CEMIP: variants seen among roughly 807,000 people sequenced by gnomAD.
The protein encoded by CEMIP is cell migration inducing hyaluronidase 1, also known as cell migration-inducing and hyaluronan-binding protein.
In CEMIP, 105 loss-of-function variants were observed where a neutral mutation model predicts 156.9. The observed-to-expected ratio is 0.67, with a 90% CI of 0.57 to 0.79. CEMIP has a LOEUF of 0.79. Ranked by LOEUF, CEMIP falls within the 30% of genes least tolerant of loss-of-function variation. The pLI is 0.00. For missense variants in CEMIP, 1,457 were observed against 1,769.4 expected, an observed-to-expected ratio of 0.82 and a Z score of 3.17; for synonymous variants, 676 against 668.4, an observed-to-expected ratio of 1.01 and a Z score of -0.17.
intron 1 of CEMIP, among the ~76,000 whole-genome samples, chr15:80,868,173 G>C (rs886101802): frequency 2.6e-5 from 4 of 152,132 alleles, no homozygotes; most frequent in African/African-American, 9.7e-5. Flanking sequence ...ACAAAGGAAG[G>C]GGGAAACATA....
At chr15:80,925,221 C>T (rs764334716) in intron 18 of CEMIP, among the ~76,000 whole-genome samples, 4 of 152,186 alleles carry the variant, frequency 2.6e-5, no homozygotes, top group East Asian at 1.9e-4. Context: ...TAGTGCACTC[C>T]GTTTTGTAGC....
chr15:80,786,210 G>A (rs1354927242), intron 1 of CEMIP, among the ~76,000 whole-genome samples: 1 of 151,986 alleles, frequency 6.6e-6, no homozygotes, highest in Non-Finnish European at 1.5e-5. Flanking sequence ...TGTTAGCTTA[G>A]TTTTATTGTG....
intron 1 of CEMIP, among the ~76,000 whole-genome samples, chr15:80,792,879 C>T (rs1017560443): frequency 5.9e-5 from 9 of 152,094 alleles, no homozygotes; most frequent in Non-Finnish European, 1.2e-4. Flanking sequence ...ATTGTATCTC[C>T]AGAACTGAGA....
Position 80,884,193 on chromosome 15 carries a change from C to T in CEMIP, c.636C>T (p.Ser212=). The part of the protein sequence containing the change: ...IHSDRFDTYR[S]KKESERLVQY... Reference sequence around the variant, plus strand: ...TTTTTAGGTTTGACACCTATAGATCCAAGAAAGAGAGTGAACGTCTGGTCC... The same window carrying T: ...TTTTTAGGTTTGACACCTATAGATCTAAGAAAGAGAGTGAACGTCTGGTCC... Residue 212 remains serine (S), a synonymous_variant, in exon 7 of 30, where the codon TCC becomes TCT. Transcript: ENST00000394685. The T allele has an allele frequency of 2.5e-6, 4 of 1,614,144 alleles. No individual in the cohort carries two copies. In the South Asian group the frequency reaches 4.4e-5, roughly 18 times the overall value.
intron 1 of CEMIP, among the ~76,000 whole-genome samples, chr15:80,800,437 G>A (rs1439905792): frequency 7.9e-5 from 12 of 152,152 alleles, no homozygotes; most frequent in Non-Finnish European, 1.8e-4. Context: ...ATCATTAATG[G>A]CTGAATGTGG....
intron 12 of CEMIP, among the ~76,000 whole-genome samples, chr15:80,900,638 G>GTCTGTGTGTC (rs1434448181): frequency 6.9e-5 from 7 of 101,926 alleles, no homozygotes; most frequent in Non-Finnish European, 1.5e-4. Flanking sequence ...GTGTGTGTGT[G>GTCTGTGTGTC]TGTGTGTGTG....
At chr15:80,868,453 A>G (rs1001678988) in intron 1 of CEMIP, among the ~76,000 whole-genome samples, 1 of 152,152 alleles carries the variant, frequency 6.6e-6, no homozygotes, top group Non-Finnish European at 1.5e-5. Context: ...AACCCTTGGC[A>G]GCACCTCAGC....
intron 1 of CEMIP, among the ~76,000 whole-genome samples, chr15:80,867,142 C>A (rs574699713): frequency 6.6e-6 from 1 of 152,278 alleles, no homozygotes; most frequent in Non-Finnish European, 1.5e-5. Context: ...CATAGTCCAC[C>A]AACAAGCAGC....
At chr15:80,819,930 G>A (rs954891906) in intron 1 of CEMIP, among the ~76,000 whole-genome samples, 7 of 152,196 alleles carry the variant, frequency 4.6e-5, no homozygotes, top group Admixed American at 4.6e-4. Flanking sequence ...TCAAAGGCAA[G>A]TCTGTCTGAA....
chr15:80,941,738 CGCTGGGTCT>C, intron 25 of CEMIP, 102 bp from the exon 26 acceptor site: 1 of 944,214 alleles, frequency 1.1e-6, no homozygotes, highest in South Asian at 1.4e-5. Flanking sequence ...TCTATAAGGC[CGCTGGGTCT>C]ACCTGCTATG....
intron 1 of CEMIP, among the ~76,000 whole-genome samples, chr15:80,848,952 AATTTTTTTTTTTTTTTTTTT>A (rs1897637627): frequency 1.1e-5 from 1 of 90,738 alleles, no homozygotes; most frequent in Non-Finnish European, 2.0e-5. Context: ...TCTCTTTAGA[AATTTTTTTTTTTTTTTTTTT>A]TTTTTTTTTT....
intron 1 of CEMIP, among the ~76,000 whole-genome samples, chr15:80,830,578 G>A (rs550019524): frequency 6.6e-6 from 1 of 152,238 alleles, no homozygotes; most frequent in African/African-American, 2.4e-5. Flanking sequence ...AGCAGGAAAG[G>A]GGCACCTTGG....
chr15:80,949,390 C>A lies in CEMIP; in HGVS notation c.*466C>A, dbSNP rs1901720402. The A allele has an allele frequency of 3.9e-6, 1 of 257,182 alleles. No homozygotes were observed. The highest frequency in any genetic ancestry group is 2.2e-5 in the African/African-American group (1 of 45,576). 15.9% of individuals were successfully genotyped at this position (257,182 alleles called of 1,614,324 possible). A position where few individuals can be genotyped will look rare whatever the true frequency, so the allele number is the denominator to read the frequency against. Reference sequence around the variant, plus strand: ...GAAAGAGCCTTGGCCTTAAGGAAATCTTTACTCCTGTAAGCAAGAGCCAAC... The same window carrying A: ...GAAAGAGCCTTGGCCTTAAGGAAATATTTACTCCTGTAAGCAAGAGCCAAC... On this transcript the variant is annotated 3_prime_UTR_variant, in exon 30 of 30. Transcript: ENST00000394685.
chr15:80,884,176 T>A lies in CEMIP; in HGVS notation c.619T>A (p.Phe207Ile), dbSNP rs1173782774. The A allele has an allele frequency of 6.2e-7, 1 of 1,614,106 alleles. No individual in the cohort carries two copies. Among genetic ancestry groups the A allele is most frequent in the Non-Finnish European group, 8.5e-7 (1 of 1,179,940 alleles). The change falls in exon 7 of 30, where the codon TTT becomes ATT. Residue 207 changes from phenylalanine to isoleucine, a missense_variant and splice_region_variant. This residue lies in a region of CEMIP where 309 missense variants were observed against 340.8 expected (regional missense o/e 0.91). Transcript: ENST00000394685. ...ATCTCTTCTCTCTGCCCTTTTTAGGTTTGACACCTATAGATCCAAGAAAGA... is the reference window on the plus strand; with the variant it reads ...ATCTCTTCTCTCTGCCCTTTTTAGGATTGACACCTATAGATCCAAGAAAGA... ...KSGTVIHSDR[F>I]DTYRSKKESE...
In CEMIP at chr15:80,879,718, A is replaced by C. The variant is rs1055098701; in HGVS notation, c.244A>C (p.Lys82Gln). ...TCCCCCCAATGCTACCTCTTCAGGC[A>C]AGCTGGTCATTAAAGACCACGACGA... Reference protein sequence around the residue: ...VYSIHISEGGKLVIKDHDEPI... With the variant: ...VYSIHISEGGQLVIKDHDEPI... Residue 82 changes from lysine (K) to glutamine (Q), a missense_variant and splice_region_variant, in exon 5 of 30, where the codon AAG becomes CAG. Physicochemically the swap from Lys to Gln is moderately conservative, Grantham distance 53. Transcript: ENST00000394685. 6.2e-7 allele frequency: 1 copy of C among 1,614,220 alleles called. No homozygotes were observed. The highest frequency in any genetic ancestry group is 8.5e-7 in the Non-Finnish European group (1 of 1,180,034).
intron 12 of CEMIP, among the ~76,000 whole-genome samples, chr15:80,900,585 GGTGTGT>G (rs57724852): frequency 0.058 from 4,313 of 74,904 alleles, 66 homozygotes; most frequent in Middle Eastern, 0.085. Flanking sequence ...CCCAGGTAGG[GGTGTGT>G]GTGTGTGTGT....
chr15:80,914,596 A>G (rs1315662403), intron 14 of CEMIP, among the ~76,000 whole-genome samples: 1 of 152,136 alleles, frequency 6.6e-6, no homozygotes, highest in African/African-American at 2.4e-5. Flanking sequence ...TTGGCAGGAA[A>G]TCCAGGGCCC....
chr15:80,839,491 G>A (rs1047329607), intron 1 of CEMIP, among the ~76,000 whole-genome samples: 2 of 152,158 alleles, frequency 1.3e-5, no homozygotes, highest in African/African-American at 4.8e-5. Flanking sequence ...CTGCAGGAGG[G>A]CCAGCACCCG....
chr15:80,885,877 A>G (rs1005534794), intron 7 of CEMIP, among the ~76,000 whole-genome samples: 1 of 152,258 alleles, frequency 6.6e-6, no homozygotes, highest in Non-Finnish European at 1.5e-5. Flanking sequence ...GTCTTTTGCC[A>G]GGGCTGTTCA....
Sources: allele counts gnomAD v4.1 joint callset (sites outside exome capture counted in the v4.1 genomes callset), GRCh38; gene constraint gnomAD v4.1.1; regional missense constraint gnomAD v4.1.1; transcripts MANE v1.5; gene names NCBI Gene and HGNC (gene_info 2026-07-23, HGNC 2026-07-21).